The following SPAG17 variants were observed in gnomAD, a reference collection of about 807,000 sequenced individuals.
SPAG17 encodes sperm-associated antigen 17.
A neutral mutation model predicts 273.6 loss-of-function variants in SPAG17; 169 were observed. The observed-to-expected ratio is 0.62, with a 90% CI of 0.55 to 0.70. The LOEUF (loss-of-function observed/expected upper bound fraction) is 0.70, where lower values mean the gene tolerates loss of function less well. SPAG17 is among the 30% of genes least tolerant of loss of function. The probability of loss-of-function intolerance (pLI) is 0.00; values close to 1 mark genes in which losing one functional copy is unlikely to be tolerated. For missense variants in SPAG17, 2,557 were observed against 2,627.8 expected, an observed-to-expected ratio of 0.97 and a Z score of 0.59; for synonymous variants, 825 against 873.2, an observed-to-expected ratio of 0.94 and a Z score of 0.97.
chr1:118,143,992 A>T (rs1283209910), intron 3 of SPAG17, among the ~76,000 whole-genome samples: 1 of 152,074 alleles, frequency 6.6e-6, no homozygotes, highest in Non-Finnish European at 1.5e-5. Flanking sequence ...CCACTGCATC[A>T]CCACCACACC....
rs78980505 is a variant in SPAG17, at chr1:118,065,950, T to C, written c.2540+795A>G. Reference sequence around the variant, plus strand: ...CAAGACATAAGGCAAAGGGATAAAATGCGTAATTATTGTTAACGAAAAACA... The same window carrying C: ...CAAGACATAAGGCAAAGGGATAAAACGCGTAATTATTGTTAACGAAAAACA... On this transcript the variant is annotated intron_variant, in intron 18 of 48. Transcript: ENST00000336338. Among the ~76,000 whole-genome samples the C allele has an allele frequency of 3.1e-3, 468 of 152,136 alleles. 3 individuals carry two copies. The highest frequency in any genetic ancestry group is 0.011 in the African/African-American group (452 of 41,520).
intron 24 of SPAG17, among the ~76,000 whole-genome samples, chr1:118,034,001 C>G (rs138350105): frequency 3.4e-4 from 51 of 151,952 alleles, no homozygotes; most frequent in African/African-American, 1.2e-3. Flanking sequence ...AGATGTACCA[C>G]GAATTAATTC....
intron 20 of SPAG17, among the ~76,000 whole-genome samples, chr1:118,052,905 C>T (rs1472010833): frequency 6.6e-6 from 1 of 151,476 alleles, no homozygotes; most frequent in Admixed American, 6.6e-5. Context: ...AAAGATGTTC[C>T]CAGGAGATTA....
Position 118,009,980 on chromosome 1 carries a change from A to G in SPAG17, c.4433-1782T>C, listed in dbSNP as rs77731324. 4.2e-3 allele frequency among the ~76,000 whole-genome samples: 641 copies of G among 152,270 alleles called. 4 individuals carry two copies. Among genetic ancestry groups the G allele is most frequent in the African/African-American group, 0.015 (609 of 41,562 alleles). On this transcript the variant is annotated intron_variant, in intron 30 of 48. Coordinates refer to ENST00000336338, the MANE Select transcript of SPAG17 (RefSeq NM_206996.4). ...AACCTGGAGGACATTATTTTAAGTAAAATAATCCAGGTACAGAAAGACAAA... is the reference window on the plus strand; with the variant it reads ...AACCTGGAGGACATTATTTTAAGTAGAATAATCCAGGTACAGAAAGACAAA...
chr1:118,135,371 A>ATGTGTGTGTG lies in SPAG17; in HGVS notation c.315+15162_315+15171dup, dbSNP rs57793942. The stretch of plus-strand genomic sequence containing the variant: ...AAACTGTGGTTTATCAGCTCAAGCA[A>ATGTGTGTGTG]TGTGTGTGTGTGTGTGTGTGTGTGT... On this transcript the variant is annotated intron_variant, in intron 3 of 48. Transcript: ENST00000336338. Among the ~76,000 whole-genome samples the ATGTGTGTGTG allele has an allele frequency of 6.1e-4, 86 of 140,020 alleles. 1 individual carries two copies. The highest frequency in any genetic ancestry group is 2.2e-3 in the African/African-American group (82 of 37,566). 91.9% of individuals were successfully genotyped at this position (140,020 alleles called of 152,430 possible). A position where few individuals can be genotyped will look rare whatever the true frequency, so the allele number is the denominator to read the frequency against.
intron 20 of SPAG17, 143 bp downstream of exon 20, chr1:118,053,859 G>C (rs1271841550): frequency 1.7e-6 from 1 of 591,554 alleles, no homozygotes; most frequent in Non-Finnish European, 3.0e-6. Context: ...AGGTCAAAAA[G>C]AGATGGTCTC....
intron 29 of SPAG17, 68 bp downstream of exon 29, chr1:118,015,897 T>A (rs1659913922): frequency 2.2e-6 from 3 of 1,368,030 alleles, no homozygotes; most frequent in Non-Finnish European, 3.1e-6. Context: ...AGCTAGGCAC[T>A]CTTTTGGGTG....
intron 3 of SPAG17, among the ~76,000 whole-genome samples, chr1:118,147,691 C>A (rs541594779): frequency 1.2e-4 from 18 of 152,268 alleles, no homozygotes; most frequent in African/African-American, 4.3e-4. Flanking sequence ...TCTAAGGTTT[C>A]AGGGGAAATT....
intron 25 of SPAG17, among the ~76,000 whole-genome samples, chr1:118,030,158 C>CAAG (rs1359727704): frequency 6.6e-6 from 1 of 151,798 alleles, no homozygotes; most frequent in Non-Finnish European, 1.5e-5. Context: ...TTTTACTTAA[C>CAAG]AAGAGTCAAG....
intron 18 of SPAG17, among the ~76,000 whole-genome samples, chr1:118,059,427 A>G (rs1024494517): frequency 4.6e-5 from 7 of 152,254 alleles, no homozygotes; most frequent in African/African-American, 1.7e-4. Context: ...GTTTTGAAAT[A>G]TGTACACACT....
intron 27 of SPAG17, among the ~76,000 whole-genome samples, chr1:118,024,795 T>C (rs1647536740): frequency 6.6e-6 from 1 of 152,218 alleles, no homozygotes; most frequent in African/African-American, 2.4e-5. Context: ...TGTTTAATTT[T>C]GCTGCATGTT....
intron 24 of SPAG17, among the ~76,000 whole-genome samples, chr1:118,035,483 T>C (rs1457215251): frequency 6.6e-6 from 1 of 152,182 alleles, no homozygotes; most frequent in Non-Finnish European, 1.5e-5. Context: ...ACTTCTCCAG[T>C]TGCTGACTTA....
intron 13 of SPAG17, among the ~76,000 whole-genome samples, chr1:118,085,650 G>A (rs1425648916): frequency 1.3e-5 from 2 of 151,908 alleles, no homozygotes; most frequent in South Asian, 4.2e-4. Context: ...GGGGGAAAAC[G>A]AGGAAAAAAG....
chr1:118,014,069 G>A (rs1487890993), intron 29 of SPAG17, among the ~76,000 whole-genome samples: 3 of 152,114 alleles, frequency 2.0e-5, no homozygotes, highest in African/African-American at 4.8e-5. Context: ...TTGAGATCTG[G>A]GACACAGTGT....
intron 46 of SPAG17, 87 bp downstream of exon 46, chr1:117,969,968 AT>A (rs1654365070): frequency 8.5e-7 from 1 of 1,173,348 alleles, no homozygotes; most frequent in African/African-American, 1.5e-5. Context: ...AATGGGCAGA[AT>A]GGTTTCAAAG....
chr1:118,178,275 C>T (rs891015889), intron 1 of SPAG17, among the ~76,000 whole-genome samples: 8 of 152,110 alleles, frequency 5.3e-5, no homozygotes, highest in Non-Finnish European at 8.8e-5. Context: ...GTCAGGAATG[C>T]GAGGATGGCT....
At chr1:117,972,603 C>A (rs1345804912) in intron 44 of SPAG17, among the ~76,000 whole-genome samples, 1 of 152,186 alleles carries the variant, frequency 6.6e-6, no homozygotes, top group African/African-American at 2.4e-5. Context: ...ACTGCAGAAT[C>A]TCATGCCCTA....
At chr1:118,010,989 A>G (rs1252423866) in intron 30 of SPAG17, among the ~76,000 whole-genome samples, 2 of 152,224 alleles carry the variant, frequency 1.3e-5, no homozygotes, top group Non-Finnish European at 2.9e-5. Context: ...ATCACTGAAC[A>G]TTAGAGAAAT....
At chr1:118,087,789 C>T (rs1203203836) in intron 10 of SPAG17, among the ~76,000 whole-genome samples, 1 of 152,154 alleles carries the variant, frequency 6.6e-6, no homozygotes, top group African/African-American at 2.4e-5. Flanking sequence ...ATTTCCTATC[C>T]CTCTACAAGT....
Sources: allele counts gnomAD v4.1 joint callset (sites outside exome capture counted in the v4.1 genomes callset), GRCh38; gene constraint gnomAD v4.1.1; transcripts MANE v1.5; gene names NCBI Gene and HGNC (gene_info 2026-07-23, HGNC 2026-07-21).